GGNBP2: variants seen among roughly 807,000 people sequenced by gnomAD.
GGNBP2 encodes the protein gametogenetin binding protein 2, also known as gametogenetin-binding protein 2.
Under a neutral mutation model 85.9 loss-of-function variants are expected in GGNBP2, and 10 were observed. The observed-to-expected ratio is 0.12, with a 90% CI of 0.07 to 0.20. The LOEUF is 0.20. Ranked by LOEUF, GGNBP2 falls within the 10% of genes least tolerant of loss-of-function variation. The pLI, the probability that GGNBP2 is intolerant of heterozygous loss-of-function variation, is 1.00. For missense variants in GGNBP2, 595 were observed against 857.8 expected (o/e 0.69, Z 3.83); for synonymous variants, 287 against 285.7 (o/e 1.00, Z -0.05).
chr17:36,589,611 G>C lies in GGNBP2; in HGVS notation c.*200G>C. 1 of 582,220 alleles carries C rather than the reference G, an allele frequency of 1.7e-6. No individual in the cohort carries two copies. Among genetic ancestry groups the C allele is most frequent in the Non-Finnish European group, 3.0e-6 (1 of 329,746 alleles). The allele number at this position is 582,220 out of a possible 1,614,324, so 36.1% of individuals were successfully genotyped here. On this transcript the variant is annotated 3_prime_UTR_variant, in exon 14 of 14. Coordinates refer to ENST00000613102, the MANE Select transcript of GGNBP2 (RefSeq NM_024835.5). ...TGTCTTTAGTTGCGTGGCTGCGCAG[G>C]CCTGCCATATGATTTAAGCCATCTC...
At chr17:36,558,166 C>T (rs1391580854) in intron 4 of GGNBP2, among the ~76,000 whole-genome samples, 1 of 151,952 alleles carries the variant, frequency 6.6e-6, no homozygotes, top group African/African-American at 2.4e-5. Context: ...ATAATCCCAA[C>T]ACTTTGGGAG....
rs1297675108 is a variant in GGNBP2 at position 36,589,458 on chromosome 17, C to A, written c.*47C>A. On this transcript the variant is annotated 3_prime_UTR_variant, in exon 14 of 14. Transcript: ENST00000613102. ...TTCAATGAAACACTCACGATGACTACTGCGCCTTCTCTTTCGAAAAACTCT... is the reference window on the plus strand; with the variant it reads ...TTCAATGAAACACTCACGATGACTAATGCGCCTTCTCTTTCGAAAAACTCT... The A allele has an allele frequency of 7.1e-7, 1 of 1,407,410 alleles. No individual in the cohort carries two copies. The allele number at this position is 1,407,410 out of a possible 1,614,324, so 87.2% of individuals were successfully genotyped here.
intron 6 of GGNBP2, among the ~76,000 whole-genome samples, chr17:36,567,994 C>T (rs993012365): frequency 1.6e-4 from 24 of 151,654 alleles, no homozygotes; most frequent in African/African-American, 4.8e-4. Context: ...GGCGCGATCT[C>T]GGCTCACTGC....
chr17:36,557,555 CAGTA>C (rs1397016592), intron 4 of GGNBP2, among the ~76,000 whole-genome samples: 6 of 151,992 alleles, frequency 3.9e-5, no homozygotes, highest in Non-Finnish European at 1.5e-5. Context: ...TTAGAAAAAT[CAGTA>C]AGGGAGGTAG....
At chr17:36,585,484 TAACTC>T (rs1300494691) in intron 10 of GGNBP2, 34 bp downstream of exon 10, 23 of 1,428,040 alleles carry the variant, frequency 1.6e-5, no homozygotes, top group South Asian at 5.0e-5. Context: ...AATGAACTCT[TAACTC>T]TATTCTTTCT....
intron 2 of GGNBP2, among the ~76,000 whole-genome samples, chr17:36,552,665 A>T (rs1030261377): frequency 6.6e-6 from 1 of 152,232 alleles, no homozygotes; most frequent in Non-Finnish European, 1.5e-5. Flanking sequence ...TGAAAATTGG[A>T]TAATTGACAT....
intron 6 of GGNBP2, among the ~76,000 whole-genome samples, chr17:36,575,644 ATATATTT>A (rs1231657778): frequency 7.6e-5 from 4 of 52,492 alleles, no homozygotes; most frequent in East Asian, 1.4e-3. Flanking sequence ...ATATATATAT[ATATATTT>A]TTTTTTTTTT....
At chr17:36,580,029 AAAAC>A (rs1420285321) in intron 8 of GGNBP2, among the ~76,000 whole-genome samples, 3 of 151,876 alleles carry the variant, frequency 2.0e-5, no homozygotes, top group Admixed American at 6.6e-5. Context: ...AACAAAAACA[AAAAC>A]AAAACAAAAA....
intron 2 of GGNBP2, among the ~76,000 whole-genome samples, chr17:36,552,719 T>C (rs2074322225): frequency 6.6e-6 from 1 of 152,150 alleles, no homozygotes; most frequent in Non-Finnish European, 1.5e-5. Flanking sequence ...ACTTTCAGAA[T>C]GGTAAAAGCT....
chr17:36,548,737 A>G (rs1397792324), intron 2 of GGNBP2, among the ~76,000 whole-genome samples: 1 of 146,586 alleles, frequency 6.8e-6, no homozygotes, highest in African/African-American at 2.5e-5. Context: ...TGAGCTCAGG[A>G]GTTTGAGACC....
chr17:36,563,129 G>A (rs2074435953), intron 5 of GGNBP2, among the ~76,000 whole-genome samples: 1 of 151,976 alleles, frequency 6.6e-6, no homozygotes, highest in African/African-American at 2.4e-5. Context: ...AGCCAGGCGT[G>A]GTGGCAGGTG....
chr17:36,565,943 T>G (rs990051724), intron 5 of GGNBP2, among the ~76,000 whole-genome samples: 15 of 152,068 alleles, frequency 9.9e-5, no homozygotes, highest in African/African-American at 3.6e-4. Flanking sequence ...GCATGGAAAG[T>G]GGAACAGATG....
intron 2 of GGNBP2, chr17:36,547,128 A>T (rs975654386): frequency 6.6e-6 from 1 of 152,214 alleles, no homozygotes; most frequent in African/African-American, 2.4e-5. Flanking sequence ...GTGTGTCTTG[A>T]TTATGATTTC....
chr17:36,548,652 A>AAG (rs2074278350), intron 2 of GGNBP2, among the ~76,000 whole-genome samples: 1 of 135,222 alleles, frequency 7.4e-6, no homozygotes, highest in Non-Finnish European at 1.6e-5. Context: ...AAAAAAAAAA[A>AAG]GTAGCCTTAG....
At chr17:36,564,346 C>A (rs2074448815) in intron 5 of GGNBP2, among the ~76,000 whole-genome samples, 1 of 152,216 alleles carries the variant, frequency 6.6e-6, no homozygotes, top group Non-Finnish European at 1.5e-5. Flanking sequence ...ACCAATCCTT[C>A]CACTCTTGCT....
chr17:36,554,714 G>A, intron 2 of GGNBP2, 106 bp from the exon 3 acceptor site: 2 of 780,428 alleles, frequency 2.6e-6, no homozygotes, highest in Non-Finnish European at 4.6e-6. Context: ...AGGGGCTAGG[G>A]ATGGGTGCAA....
In GGNBP2 at chr17:36,550,974, G is replaced by A. The variant is rs73278816; in HGVS notation, c.94-3846G>A. The stretch of plus-strand genomic sequence containing the variant: ...ATAGTGATTGGCCAGAAAACAGTAA[G>A]GTAAAAAGCCATTGTCCTAAGTGTT... On this transcript the variant is annotated intron_variant, in intron 2 of 13. Transcript: ENST00000613102. 4.4e-3 allele frequency among the ~76,000 whole-genome samples: 673 copies of A among 152,246 alleles called. 8 individuals carry two copies. Among genetic ancestry groups the A allele is most frequent in the African/African-American group, 0.016 (660 of 41,552 alleles).
intron 6 of GGNBP2, chr17:36,576,582 A>AG (rs1189507780): frequency 2.8e-5 from 1 of 35,414 alleles, no homozygotes; most frequent in African/African-American, 1.1e-4. Flanking sequence ...AAAAAAAAAA[A>AG]AAATATATAT....
In GGNBP2 at chr17:36,585,985, C is replaced by T. The variant is rs1414628211; in HGVS notation, c.1492+20C>T. 1 of 1,613,746 alleles carries T rather than the reference C, an allele frequency of 6.2e-7. No individual in the cohort carries two copies. The highest frequency in any genetic ancestry group is 1.3e-5 in the African/African-American group (1 of 74,880). On this transcript the variant is annotated intron_variant, in intron 11 of 13. Transcript: ENST00000613102. Reference sequence around the variant, plus strand: ...AACACGGTAGGCTCACATTAAGTTTCCCAGTTATTTCTACTACATGGCTGA... The same window carrying T: ...AACACGGTAGGCTCACATTAAGTTTTCCAGTTATTTCTACTACATGGCTGA...
Sources: allele counts gnomAD v4.1 joint callset (sites outside exome capture counted in the v4.1 genomes callset), GRCh38; gene constraint gnomAD v4.1.1; transcripts MANE v1.5; gene names NCBI Gene and HGNC (gene_info 2026-07-23, HGNC 2026-07-21).